Variants in DPP4 observed in about 807,000 individuals in gnomAD.
DPP4 encodes dipeptidyl peptidase 4, also known as ADCP-2.
In DPP4, 93 loss-of-function variants were observed where a neutral mutation model predicts 122.4. That is an observed-to-expected ratio of 0.76 (90% CI 0.64 to 0.90). DPP4 has a LOEUF of 0.90. Among genes scored for constraint, DPP4 ranks in the 40% least tolerant of loss-of-function variants. The pLI, the probability that DPP4 is intolerant of heterozygous loss-of-function variation, is 0.00. For synonymous variants in DPP4, 321 were observed against 302.9 expected (o/e 1.06, Z -0.62); for missense variants, 914 against 907.3 (o/e 1.01, Z -0.09).
intron 4 of DPP4, chr2:162,046,623 G>T (rs184572056): frequency 4.0e-6 from 2 of 499,160 alleles, no homozygotes; most frequent in Non-Finnish European, 7.8e-6. Flanking sequence ...ATGCTGTGGG[G>T]TTGCATGAAA....
chr2:162,031,427 T>A (rs2106115094), intron 10 of DPP4, among the ~76,000 whole-genome samples: 1 of 152,366 alleles, frequency 6.6e-6, no homozygotes, highest in Non-Finnish European at 1.5e-5. Flanking sequence ...AAAAAGTTTA[T>A]AAACCATTGA....
At chr2:162,014,874 T>C (rs1016838518) in intron 18 of DPP4, among the ~76,000 whole-genome samples, 1 of 152,236 alleles carries the variant, frequency 6.6e-6, no homozygotes, top group East Asian at 1.9e-4. Context: ...TTAGGATTTT[T>C]AGTTGGCCCC....
chr2:161,998,872 T>G (rs1701071836), intron 23 of DPP4, among the ~76,000 whole-genome samples: 1 of 152,172 alleles, frequency 6.6e-6, no homozygotes, highest in African/African-American at 2.4e-5. Flanking sequence ...ATGATGCAAA[T>G]TGTTTTACAT....
At chr2:162,037,486 C>T (rs1048193387) in intron 8 of DPP4, among the ~76,000 whole-genome samples, 2 of 152,030 alleles carry the variant, frequency 1.3e-5, no homozygotes, top group Non-Finnish European at 2.9e-5. Flanking sequence ...TTGACTTGGA[C>T]TTGGTAAGAA....
At chr2:162,010,313 C>A (rs569784859) in intron 20 of DPP4, among the ~76,000 whole-genome samples, 1 of 152,110 alleles carries the variant, frequency 6.6e-6, no homozygotes, top group African/African-American at 2.4e-5. Flanking sequence ...TCCCTCTTTG[C>A]AAAGGGACAA....
intron 22 of DPP4, among the ~76,000 whole-genome samples, chr2:162,006,693 A>G (rs1301010279): frequency 3.9e-5 from 6 of 152,182 alleles, no homozygotes; most frequent in Admixed American, 3.3e-4. Context: ...ATTAAATGAT[A>G]CATTATATAT....
chr2:162,024,610 G>A (rs1345821130), intron 11 of DPP4, among the ~76,000 whole-genome samples, 194 bp downstream of exon 11: 1 of 152,162 alleles, frequency 6.6e-6, no homozygotes, highest in East Asian at 1.9e-4. Context: ...CAGTGTAGGA[G>A]AAATAGAAGC....
chr2:162,070,954 CCT>C (rs1351557673), intron 2 of DPP4, among the ~76,000 whole-genome samples: 1 of 152,100 alleles, frequency 6.6e-6, no homozygotes, highest in African/African-American at 2.4e-5. Context: ...CTCTCCTTTA[CCT>C]CTCTCTGTTT....
At chr2:162,045,850 G>A (rs1162022714) in intron 4 of DPP4, among the ~76,000 whole-genome samples, 1 of 152,228 alleles carries the variant, frequency 6.6e-6, no homozygotes, top group African/African-American at 2.4e-5. Flanking sequence ...CTGCGAGAGT[G>A]AGGATGAGGA....
chr2:162,036,710 A>G (rs1168174015), intron 8 of DPP4, among the ~76,000 whole-genome samples: 1 of 152,162 alleles, frequency 6.6e-6, no homozygotes, highest in East Asian at 1.9e-4. Flanking sequence ...ACTCTTATGT[A>G]GCAATTTAGA....
intron 11 of DPP4, among the ~76,000 whole-genome samples, chr2:162,023,163 C>T (rs902972813): frequency 6.6e-6 from 1 of 152,126 alleles, no homozygotes; most frequent in Non-Finnish European, 1.5e-5. Context: ...TTCTAGATTC[C>T]TGCCCTCCTC....
In DPP4 at chr2:162,018,829, T is replaced by TGAG; in HGVS notation, c.1319_1320insCTC (p.Thr440_Lys441insSer). The TGAG allele has an allele frequency of 1.9e-6, 3 of 1,614,162 alleles. No individual in the cohort carries two copies. Among genetic ancestry groups the TGAG allele is most frequent in the Non-Finnish European group, 2.5e-6 (3 of 1,180,020 alleles). ...GCTCACAACTGAGGCATGTCACTTT[T>TGAG]GTATAGTCACTAAGTTGGATTCTGT... On this transcript the variant is annotated inframe_insertion, in exon 16 of 26. Transcript: ENST00000360534.
intron 14 of DPP4, among the ~76,000 whole-genome samples, chr2:162,019,888 G>A (rs951342644): frequency 1.3e-5 from 2 of 152,106 alleles, no homozygotes; most frequent in Admixed American, 1.3e-4. Context: ...AGATAAAATT[G>A]CCTTTCCAAG....
At chr2:162,018,909 C>T (rs1193443145) in intron 15 of DPP4, 59 bp from the exon 16 acceptor site, 2 of 1,594,990 alleles carry the variant, frequency 1.3e-6, no homozygotes, top group African/African-American at 1.4e-5. Flanking sequence ...GAGGAAGGAA[C>T]TGAATAAAGC....
chr2:162,040,294 G>A (rs1443794304), intron 5 of DPP4, among the ~76,000 whole-genome samples: 1 of 152,056 alleles, frequency 6.6e-6, no homozygotes, highest in Non-Finnish European at 1.5e-5. Context: ...TGCCAAAACT[G>A]GGAGGCAACT....
chr2:162,063,189 G>C (rs1468823577), intron 2 of DPP4, among the ~76,000 whole-genome samples: 15 of 152,120 alleles, frequency 9.9e-5, no homozygotes, highest in Non-Finnish European at 2.9e-5. Flanking sequence ...ATTGGCCTCA[G>C]TAACTACAAA....
At chr2:162,021,664 C>T (rs536183992) in intron 12 of DPP4, 4 of 152,232 alleles carry the variant, frequency 2.6e-5, no homozygotes, top group Non-Finnish European at 4.4e-5. Context: ...ACACATTCCC[C>T]TCTCTAGACC....
chr2:162,056,597 G>C (rs578055328), intron 2 of DPP4, among the ~76,000 whole-genome samples: 59 of 152,300 alleles, frequency 3.9e-4, no homozygotes, highest in Non-Finnish European at 4.1e-4. Context: ...TCATTACTGG[G>C]TGCAGGCCAA....
chr2:162,006,790 C>A (rs1291520046), intron 22 of DPP4, among the ~76,000 whole-genome samples: 1 of 151,974 alleles, frequency 6.6e-6, no homozygotes, highest in African/African-American at 2.4e-5. Context: ...TTGAAAACTG[C>A]CTCCTTAAGT....
Sources: gnomAD v4.1 joint callset for allele counts (sites outside exome capture counted in the v4.1 genomes callset) on GRCh38, gnomAD v4.1.1 for gene constraint, MANE v1.5 for transcripts, NCBI Gene and HGNC (gene_info 2026-07-23, HGNC 2026-07-21) for gene names.